Variants in SRSF1 observed in about 807,000 individuals in gnomAD.
SRSF1 encodes the protein serine and arginine rich splicing factor 1, also known as serine/arginine-rich splicing factor 1.
Under a neutral mutation model 25.9 loss-of-function variants are expected in SRSF1, and 1 was observed. The observed-to-expected ratio is 0.04, with a 90% CI of 0.01 to 0.18. SRSF1 has a LOEUF of 0.18. Among genes scored for constraint, SRSF1 ranks in the 10% least tolerant of loss-of-function variants. The probability of loss-of-function intolerance (pLI) is 1.00; values close to 1 mark genes in which losing one functional copy is unlikely to be tolerated. For synonymous variants in SRSF1, 132 were observed against 126.2 expected, an observed-to-expected ratio of 1.05 and a Z score of -0.31; for missense variants, 65 against 350.5, an observed-to-expected ratio of 0.19 and a Z score of 6.50.
Position 58,002,875 on chromosome 17 carries a change from G to A in SRSF1, c.*2531C>T, listed in dbSNP as rs1231389506. Among the ~76,000 whole-genome samples, 1 of 152,132 alleles carries A rather than the reference G, an allele frequency of 6.6e-6. No individual in the cohort carries two copies. Among genetic ancestry groups the A allele is most frequent in the African/African-American group, 2.4e-5 (1 of 41,418 alleles). ...TAAAAATACAAAATTAGCCGGGCAAGGGTGGCACACACTTGTAGTCTCAGC... is the reference window on the plus strand; with the variant it reads ...TAAAAATACAAAATTAGCCGGGCAAAGGTGGCACACACTTGTAGTCTCAGC... On this transcript the variant is annotated 3_prime_UTR_variant, in exon 4 of 4. Coordinates refer to ENST00000258962, the MANE Select transcript of SRSF1 (RefSeq NM_006924.5).
At position 58,005,586 on chromosome 17, in the gene SRSF1, G is replaced by A; in HGVS notation, c.567C>T (p.Tyr189=). Residue 189 remains tyrosine (Y), a synonymous_variant, in exon 4 of 4, where the codon TAC becomes TAT. Transcript: ENST00000258962. The surrounding 1 kb of genome is among the most constrained non-coding windows in gnomAD (Gnocchi z 5.2). The part of the protein sequence containing the change: ...KFRSHEGETA[Y]IRVKVDGPRS... ...TGGGCCCATCAACTTTAACCCGGAT[G>A]TAGGCAGTTTCTCCCTATTGGATAG... 1 of 1,614,114 alleles carries A rather than the reference G, an allele frequency of 6.2e-7. No individual in the cohort carries two copies. The highest frequency in any genetic ancestry group is 8.5e-7 in the Non-Finnish European group (1 of 1,180,018).
rs1432514742 is a variant in SRSF1 at position 58,002,307 on chromosome 17, C to G, written c.*3099G>C. Reference sequence around the variant, plus strand: ...ATCCCCTCTTCCCAACATTCCACAACGTTCATTAAAATCTACCGATTGGGG... The same window carrying G: ...ATCCCCTCTTCCCAACATTCCACAAGGTTCATTAAAATCTACCGATTGGGG... On this transcript the variant is annotated 3_prime_UTR_variant, in exon 4 of 4. Coordinates refer to ENST00000258962, the MANE Select transcript of SRSF1 (RefSeq NM_006924.5). 6.6e-6 allele frequency among the ~76,000 whole-genome samples: 1 copy of G among 152,184 alleles called. No individual in the cohort carries two copies. The highest frequency in any genetic ancestry group is 1.5e-5 in the Non-Finnish European group (1 of 68,026).
rs1227385434 is a variant in SRSF1 at position 58,001,065 on chromosome 17, AC to A, written c.*4340del. On this transcript the variant is annotated 3_prime_UTR_variant, in exon 4 of 4. Transcript: ENST00000258962. The stretch of plus-strand genomic sequence containing the variant: ...CTGTGATGGAAATAATGGTTATGTT[AC>A]AACAGAACTTCAGTCTAACAGTTTC... 6.6e-6 allele frequency among the ~76,000 whole-genome samples: 1 copy of A among 152,212 alleles called. No individual in the cohort carries two copies. Among genetic ancestry groups the A allele is most frequent in the Non-Finnish European group, 1.5e-5 (1 of 68,002 alleles).
chr17:57,998,158 C>T (rs34474679), downstream of SRSF1, among the ~76,000 whole-genome samples: 9,429 of 152,006 alleles, frequency 0.062, 314 homozygotes, highest in African/African-American at 0.082. Context: ...TGCAGTGAGC[C>T]GAGATTGTGC....
chr17:57,989,038 T>C, the SRSF1 span: 3 of 377,824 alleles, frequency 7.9e-6, no homozygotes, highest in South Asian at 1.5e-4. Flanking sequence ...ACAAGTGAGA[T>C]AGTATAGACA....
downstream of SRSF1, among the ~76,000 whole-genome samples, chr17:57,999,071 TTAACTACTG>T (rs1208825057): frequency 2.0e-5 from 3 of 152,178 alleles, no homozygotes; most frequent in Non-Finnish European, 4.4e-5. Flanking sequence ...TAATATGGCA[TTAACTACTG>T]TGTCTACTGA....
chr17:57,990,878 T>C, the SRSF1 span: 1 of 152,228 alleles, frequency 6.6e-6, no homozygotes, highest in Non-Finnish European at 1.5e-5. Flanking sequence ...ACCTGTCACC[T>C]AACCTTTTAG....
At chr17:57,998,630 T>A (rs1400458320), downstream of SRSF1, among the ~76,000 whole-genome samples, 1 of 152,220 alleles carries the variant, frequency 6.6e-6, no homozygotes, top group Non-Finnish European at 1.5e-5. Flanking sequence ...AAGACAGGCT[T>A]CAATCTAGTT....
chr17:57,996,585 G>A (rs116550502), downstream of SRSF1, among the ~76,000 whole-genome samples: 882 of 151,084 alleles, frequency 5.8e-3, 4 homozygotes, highest in African/African-American at 0.02. Flanking sequence ...AGGGCAACAT[G>A]TCCACCTGCA....
the SRSF1 span, chr17:57,991,645 C>G: frequency 4.6e-5 from 7 of 152,236 alleles, no homozygotes; most frequent in East Asian, 5.8e-4. Context: ...GACACCCCCC[C>G]CATCCCCCCT....
chr17:58,000,019 CCT>C (rs567482093), downstream of SRSF1, among the ~76,000 whole-genome samples: 60 of 152,256 alleles, frequency 3.9e-4, no homozygotes, highest in Non-Finnish European at 7.8e-4. Context: ...CTTTTCACCC[CCT>C]GAAATCCCAG....
Position 58,005,248 on chromosome 17 carries a change from GA to G in SRSF1, c.*157del, listed in dbSNP as rs1401415651. On this transcript the variant is annotated 3_prime_UTR_variant, in exon 4 of 4. Coordinates refer to ENST00000258962, the MANE Select transcript of SRSF1 (RefSeq NM_006924.5). This position sits in a 1 kb window ranked among gnomAD's most constrained non-coding sequence, Gnocchi z 5.2. The stretch of plus-strand genomic sequence containing the variant: ...ATACAATTTATCAAAGACACGAAGG[GA>G]ATGTAGATGTTAGGAGCAAGGGGAT... 2.9e-5 allele frequency: 21 copies of G among 717,052 alleles called. No individual in the cohort carries two copies. The highest frequency in any genetic ancestry group is 2.0e-4 in the Admixed American group (7 of 35,344). The allele number at this position is 717,052 out of a possible 1,614,324, so 44.4% of individuals were successfully genotyped here. A position where few individuals can be genotyped will look rare whatever the true frequency, so the allele number is the denominator to read the frequency against.
chr17:58,007,172 C>T lies in SRSF1; in HGVS notation c.-35G>A. The T allele has an allele frequency of 6.2e-7, 1 of 1,610,674 alleles. No individual in the cohort carries two copies. Among genetic ancestry groups the T allele is most frequent in the Non-Finnish European group, 8.5e-7 (1 of 1,178,494 alleles). The stretch of plus-strand genomic sequence containing the variant: ...GAAAAGCGCGGACTCGAGAACAGGC[C>T]TTCCCACCAAGCCTAGCGCACGGCA... On this transcript the variant is annotated 5_prime_UTR_variant, in exon 1 of 4. Transcript: ENST00000258962.
chr17:57,993,707 T>A, the SRSF1 span: 1 of 152,314 alleles, frequency 6.6e-6, no homozygotes, highest in African/African-American at 2.4e-5. Context: ...CAGGGAAGAA[T>A]CTAGATTTTT....
At chr17:57,990,405 T>G in the SRSF1 span, 2 of 151,778 alleles carry the variant, frequency 1.3e-5, no homozygotes, top group African/African-American at 4.9e-5. Context: ...TAAAAAAAAA[T>G]TAACCTTTTA....
chr17:58,000,781 G>A (rs141456158), downstream of SRSF1, among the ~76,000 whole-genome samples: 213 of 152,242 alleles, frequency 1.4e-3, no homozygotes, highest in African/African-American at 5.0e-3. Flanking sequence ...GGGATTCAGA[G>A]CTGTATGCAC....
chr17:57,997,244 TGGACTTAGGCTAGCATTTAGATTA>T (rs2075368840), downstream of SRSF1, among the ~76,000 whole-genome samples: 2 of 152,200 alleles, frequency 1.3e-5, no homozygotes, highest in African/African-American at 4.8e-5. Context: ...CAATTATACT[TGGACTTAGGCTAGCATTTAGATTA>T]ATTCAAATTT....
chr17:57,994,819 G>A, the SRSF1 span: 1 of 152,282 alleles, frequency 6.6e-6, no homozygotes, highest in Non-Finnish European at 1.5e-5. Flanking sequence ...CTTGTGTTTA[G>A]AATTATCCCA....
rs112525333 is a variant in SRSF1, at chr17:58,007,213, G to T, written c.-76C>A. The stretch of plus-strand genomic sequence containing the variant: ...GCGCACGGCAGAGCGAGCCCGCAGC[G>T]GCACCACGTCTCCCGCGGCCCCTCC... On this transcript the variant is annotated 5_prime_UTR_variant, in exon 1 of 4. Transcript: ENST00000258962. 3,448 of 1,551,764 alleles carry T rather than the reference G, an allele frequency of 2.2e-3. 11 individuals are homozygous for T. The highest frequency in any genetic ancestry group is 4.2e-3 in the Admixed American group (241 of 57,364).
Sources: gnomAD v4.1 joint callset for allele counts (sites outside exome capture counted in the v4.1 genomes callset) on GRCh38, gnomAD v4.1.1 for gene constraint, Gnocchi (gnomAD v3.1) non-coding constraint, MANE v1.5 for transcripts, NCBI Gene and HGNC (gene_info 2026-07-23, HGNC 2026-07-21) for gene names.